Variants in GARNL3 observed in about 807,000 individuals in gnomAD.
The protein encoded by GARNL3 is GTPase activating Rap/RanGAP domain like 3.
A neutral mutation model predicts 125.0 loss-of-function variants in GARNL3; 63 were observed. The ratio of observed to expected loss-of-function variants is 0.50; its 90% CI spans 0.41 to 0.62. The LOEUF is 0.62. Ranked by LOEUF, GARNL3 falls within the 20% of genes least tolerant of loss-of-function variation. GARNL3 has a pLI of 0.00. For synonymous variants in GARNL3, 439 were observed against 457.5 expected, an observed-to-expected ratio of 0.96 and a Z score of 0.52; for missense variants, 994 against 1,244.0, an observed-to-expected ratio of 0.80 and a Z score of 3.02.
rs750514341 is a variant in GARNL3 at position 127,342,383 on chromosome 9, A to G, written c.1251+49A>G. On this transcript the variant is annotated intron_variant, in intron 14 of 27. Transcript: ENST00000373387. ...TTTCCTTCTTATGGGGTCTGAGTTGAGAACACAAGTCCTCAACTCAGCGAT... is the reference window on the plus strand; with the variant it reads ...TTTCCTTCTTATGGGGTCTGAGTTGGGAACACAAGTCCTCAACTCAGCGAT... 14 of 1,221,884 alleles carry G rather than the reference A, an allele frequency of 1.1e-5. No individual in the cohort carries two copies. The South Asian group carries it at 1.5e-4, about 13-fold the overall frequency. The allele number at this position is 1,221,884 out of a possible 1,614,324, so 75.7% of individuals were successfully genotyped here.
chr9:127,253,763 C>A (rs1242590106), intron 2 of GARNL3, among the ~76,000 whole-genome samples: 1 of 151,810 alleles, frequency 6.6e-6, no homozygotes, highest in Non-Finnish European at 1.5e-5. Flanking sequence ...AGGTGTAGGA[C>A]CAGCTGGTGG....
intron 7 of GARNL3, among the ~76,000 whole-genome samples, chr9:127,328,794 A>G (rs568880267): frequency 7.5e-4 from 114 of 152,342 alleles, no homozygotes; most frequent in African/African-American, 2.7e-3. Context: ...ATTTCCAAGA[A>G]TGTGACTGCC....
intron 9 of GARNL3, among the ~76,000 whole-genome samples, chr9:127,334,491 A>G (rs1200118497): frequency 6.6e-6 from 1 of 152,058 alleles, no homozygotes; most frequent in Admixed American, 6.6e-5. Context: ...GGGATAGGGG[A>G]TTGGGCCCCA....
Position 127,264,793 on chromosome 9 carries a change from G to T in GARNL3, c.-85G>T. Reference sequence around the variant, plus strand: ...AAAGCCAGGCTCTGCAATGGCTGCTGGGGACTGTGTCTGTTGCAAGGAGGC... The same window carrying T: ...AAAGCCAGGCTCTGCAATGGCTGCTTGGGACTGTGTCTGTTGCAAGGAGGC... On this transcript the variant is annotated 5_prime_UTR_variant, in exon 1 of 28. Transcript: ENST00000373387. 7.5e-7 allele frequency: 1 copy of T among 1,337,252 alleles called. No individual in the cohort carries two copies. The highest frequency in any genetic ancestry group is 2.4e-5 in the South Asian group (1 of 42,010). 82.8% of individuals were successfully genotyped at this position (1,337,252 alleles called of 1,614,324 possible).
At chr9:127,374,298 T>A (rs1001710266) in intron 22 of GARNL3, among the ~76,000 whole-genome samples, 1 of 150,812 alleles carries the variant, frequency 6.6e-6, no homozygotes, top group Non-Finnish European at 1.5e-5. Flanking sequence ...CAAAACTCTG[T>A]CTCAAAAAAA....
intron 1 of GARNL3, among the ~76,000 whole-genome samples, chr9:127,226,070 C>T (rs1048724872): frequency 6.6e-6 from 1 of 152,242 alleles, no homozygotes; most frequent in Non-Finnish European, 1.5e-5. Context: ...CTCAGCCACA[C>T]TTCCCATCTC....
intron 21 of GARNL3, among the ~76,000 whole-genome samples, chr9:127,360,903 CA>C (rs1018071852): frequency 4.6e-5 from 7 of 152,244 alleles, no homozygotes; most frequent in Non-Finnish European, 7.3e-5. Flanking sequence ...AAGTCACTGA[CA>C]AGTTCACTGT....
intron 2 of GARNL3, among the ~76,000 whole-genome samples, chr9:127,298,271 T>C (rs2064668870): frequency 6.6e-6 from 1 of 152,292 alleles, no homozygotes; most frequent in Non-Finnish European, 1.5e-5. Context: ...CTCTGCCTTC[T>C]GGGTTCAAGC....
intron 1 of GARNL3, among the ~76,000 whole-genome samples, chr9:127,271,818 C>A (rs117933986): frequency 6.7e-6 from 1 of 150,288 alleles, no homozygotes; most frequent in Non-Finnish European, 1.5e-5. Flanking sequence ...TAATGATCTA[C>A]TGGTGATTTC....
intron 1 of GARNL3, among the ~76,000 whole-genome samples, chr9:127,234,765 C>T (rs1162646245): frequency 6.6e-6 from 1 of 152,174 alleles, no homozygotes; most frequent in Non-Finnish European, 1.5e-5. Flanking sequence ...TGATGAGGGC[C>T]TGCTACAGCA....
intron 22 of GARNL3, among the ~76,000 whole-genome samples, chr9:127,371,012 T>C (rs968368763): frequency 6.6e-6 from 1 of 152,188 alleles, no homozygotes; most frequent in South Asian, 2.1e-4. Context: ...CCTCCTCACA[T>C]GTGCTCCTCC....
chr9:127,386,353 C>A (rs1337286119), intron 24 of GARNL3, among the ~76,000 whole-genome samples: 2 of 152,226 alleles, frequency 1.3e-5, no homozygotes, highest in Admixed American at 6.5e-5. Flanking sequence ...TTCTCCATCA[C>A]TGTAAGTCTA....
In GARNL3 at chr9:127,355,205, T is replaced by C. The variant is rs1486579144; in HGVS notation, c.1760-92T>C. The C allele has an allele frequency of 4.1e-6, 4 of 981,766 alleles. No individual in the cohort carries two copies. The East Asian group carries it at 9.6e-5, about 24-fold the overall frequency. The allele number at this position is 981,766 out of a possible 1,614,324, so 60.8% of individuals were successfully genotyped here. ...TCCATTCACTGAGTTATGCTTAATT[T>C]CCAGGGTTCCTAGGTATTGCCAAAT... On this transcript the variant is annotated intron_variant, in intron 19 of 27. Coordinates refer to ENST00000373387, the MANE Select transcript of GARNL3 (RefSeq NM_032293.5).
At chr9:127,370,694 C>T (rs982430822) in intron 22 of GARNL3, among the ~76,000 whole-genome samples, 2 of 152,170 alleles carry the variant, frequency 1.3e-5, no homozygotes, top group Non-Finnish European at 1.5e-5. Context: ...AGCTTCTGTC[C>T]CATCTTCTTG....
chr9:127,300,910 C>T (rs1021122063), intron 2 of GARNL3: 1 of 235,402 alleles, frequency 4.2e-6, no homozygotes, highest in Non-Finnish European at 8.4e-6. Context: ...GGGTAATCAG[C>T]ATCTAACTCG....
intron 21 of GARNL3, 193 bp from the exon 22 acceptor site, chr9:127,365,107 T>G: frequency 1.9e-6 from 1 of 526,590 alleles, no homozygotes; most frequent in Non-Finnish European, 3.4e-6. Context: ...TTTTCTTTTC[T>G]TTTCTTTCTC....
rs1050371060 is a variant in GARNL3 at position 127,345,556 on chromosome 9, G to A, written c.1431+79G>A. 5.2e-6 allele frequency: 5 copies of A among 965,470 alleles called. No homozygotes were observed. The African/African-American group carries it at 8.3e-5, about 16-fold the overall frequency. 59.8% of individuals were successfully genotyped at this position (965,470 alleles called of 1,614,324 possible). On this transcript the variant is annotated intron_variant, in intron 16 of 27. Coordinates refer to ENST00000373387, the MANE Select transcript of GARNL3 (RefSeq NM_032293.5). ...AAATGATTGAGATTATTGGAAAAAG[G>A]TTTGAGAGCAGAAGGAAGAAGAGCA...
chr9:127,336,800 G>A (rs138857702), intron 11 of GARNL3, among the ~76,000 whole-genome samples: 1,814 of 152,352 alleles, frequency 0.012, 47 homozygotes, highest in African/African-American at 0.042. Flanking sequence ...TGCCAGACAG[G>A]CATGGGGCAT....
intron 8 of GARNL3, 37 bp downstream of exon 8, chr9:127,332,386 C>T (rs1456406343): frequency 6.5e-7 from 1 of 1,530,072 alleles, no homozygotes; most frequent in Admixed American, 1.7e-5. Flanking sequence ...TGCCAGAGAC[C>T]CTGTCCTGCC....
Sources: gnomAD v4.1 joint callset for allele counts (sites outside exome capture counted in the v4.1 genomes callset) on GRCh38, gnomAD v4.1.1 for gene constraint, MANE v1.5 for transcripts, NCBI Gene and HGNC (gene_info 2026-07-23, HGNC 2026-07-21) for gene names.